Variants in SLC13A3 observed in about 807,000 individuals in gnomAD.
The protein encoded by SLC13A3 is solute carrier family 13 member 3.
SLC13A3 carries 40 observed loss-of-function variants against 59.0 expected under a neutral mutation model. The ratio of observed to expected loss-of-function variants is 0.68; its 90% confidence interval spans 0.53 to 0.88. SLC13A3 has a LOEUF of 0.88. Ranked by LOEUF, SLC13A3 falls within the 40% of genes least tolerant of loss-of-function variation. SLC13A3 has a pLI of 0.00. For synonymous variants in SLC13A3, 317 were observed against 330.3 expected, an observed-to-expected ratio of 0.96 and a Z score of 0.44; for missense variants, 699 against 783.2, an observed-to-expected ratio of 0.89 and a Z score of 1.28.
chr20:46,668,448 C>A lies in SLC13A3; in HGVS notation c.-31+1595G>T, dbSNP rs566705150. On this transcript the variant is annotated intron_variant, in intron 1 of 12. Transcript: ENST00000290317. ...TCCCAAGCCAAAGCCTAATCCAGAG[C>A]AAGACCCTAACTCTCATTAATTCTG... Among the ~76,000 whole-genome samples, 38 of 152,328 alleles carry A rather than the reference C, an allele frequency of 2.5e-4. 2 individuals carry two copies. In the South Asian group the frequency reaches 7.1e-3, roughly 28 times the overall value.
chr20:46,661,948 C>T (rs928038347), intron 1 of SLC13A3, among the ~76,000 whole-genome samples: 3 of 152,188 alleles, frequency 2.0e-5, no homozygotes, highest in Non-Finnish European at 2.9e-5. Context: ...TAATATCCCG[C>T]ACTTGATAAA....
intron 1 of SLC13A3, 24 bp from the exon 2 acceptor site, chr20:46,613,749 G>A (rs781243808): frequency 1.9e-6 from 3 of 1,572,458 alleles, no homozygotes; most frequent in Non-Finnish European, 2.6e-6. Flanking sequence ...TGCATGCTCA[G>A]AGGGTCAGCG....
In SLC13A3 at chr20:46,573,625, T is replaced by G. The variant is rs1355270276; in HGVS notation, c.1332+1948A>C. Among the ~76,000 whole-genome samples the G allele has an allele frequency of 2.0e-5, 3 of 152,238 alleles. No individual in the cohort carries two copies. The East Asian group carries it at 5.8e-4, about 29-fold the overall frequency. On this transcript the variant is annotated intron_variant, in intron 10 of 12. Coordinates refer to ENST00000279027, the MANE Select transcript of SLC13A3 (RefSeq NM_022829.6). ...TACATGCAGTTTTTAGCACTTCTTA[T>G]CGGCTATATGTATTGGGCAGTTATT...
At chr20:46,669,156 T>TG (rs1321639866) in intron 1 of SLC13A3, among the ~76,000 whole-genome samples, 3 of 152,214 alleles carry the variant, frequency 2.0e-5, no homozygotes, top group Non-Finnish European at 4.4e-5. Context: ...TTTTTCTTGT[T>TG]GGAGTCATCA....
chr20:46,617,730 C>T (rs764924911), intron 1 of SLC13A3, among the ~76,000 whole-genome samples: 1 of 152,164 alleles, frequency 6.6e-6, no homozygotes, highest in Non-Finnish European at 1.5e-5. Flanking sequence ...CCACTGTGGG[C>T]CTCCAGGCAG....
chr20:46,677,805 C>G (rs927151618), intron 1 of SLC13A3, among the ~76,000 whole-genome samples: 1 of 152,084 alleles, frequency 6.6e-6, no homozygotes, highest in Non-Finnish European at 1.5e-5. Context: ...AGCCAAAGAG[C>G]AATAGGGAGC....
chr20:46,629,827 A>G (rs1383907865), intron 1 of SLC13A3, among the ~76,000 whole-genome samples: 1 of 152,164 alleles, frequency 6.6e-6, no homozygotes, highest in Non-Finnish European at 1.5e-5. Flanking sequence ...AATACATTTC[A>G]CCGAAAAATA....
At chr20:46,596,463 C>T (rs1054562053) in intron 4 of SLC13A3, 121 bp from the exon 5 acceptor site, 3 of 803,242 alleles carry the variant, frequency 3.7e-6, no homozygotes, top group Non-Finnish European at 6.1e-6. Context: ...ATCAAAAACC[C>T]GTAACAAGGT....
At chr20:46,600,140 C>T (rs1237585506) in intron 3 of SLC13A3, 103 bp from the exon 4 acceptor site, 7 of 596,090 alleles carry the variant, frequency 1.2e-5, no homozygotes, top group South Asian at 7.4e-5. Context: ...TGCCAAGGAT[C>T]CTATACTACT....
At position 46,680,162 on chromosome 20, in the gene SLC13A3, G is replaced by A. The variant is rs147561193; in HGVS notation, c.-31+4234C>T. Among the ~76,000 whole-genome samples the A allele has an allele frequency of 2.7e-4, 41 of 152,290 alleles. No individual in the cohort carries two copies. In the East Asian group the frequency reaches 7.7e-3, roughly 29 times the overall value. The stretch of plus-strand genomic sequence containing the variant: ...CAGCAGCCTCAGCATCACCTGGGAA[G>A]TTGTTAGCAATGCAGATTCTCAGGC... On this transcript the variant is annotated intron_variant, in intron 1 of 6. Transcript: ENST00000372121.
intron 12 of SLC13A3, among the ~76,000 whole-genome samples, chr20:46,561,331 C>T (rs1162919013): frequency 2.0e-5 from 3 of 152,170 alleles, no homozygotes; most frequent in Non-Finnish European, 2.9e-5. Context: ...TCGTCAGGAC[C>T]TCCTGAAGCT....
intron 6 of SLC13A3, among the ~76,000 whole-genome samples, chr20:46,591,065 G>A (rs1247385850): frequency 6.6e-6 from 1 of 151,824 alleles, no homozygotes; most frequent in Non-Finnish European, 1.5e-5. Context: ...AGCTACTCTG[G>A]AGGCTGAGGC....
chr20:46,608,732 T>C (rs2062461720), intron 3 of SLC13A3: 10 of 938,146 alleles, frequency 1.1e-5, no homozygotes, highest in Non-Finnish European at 1.5e-5. Flanking sequence ...AGATACGTAT[T>C]TAATTTAATT....
At chr20:46,597,185 T>A (rs1282600547) in intron 4 of SLC13A3, among the ~76,000 whole-genome samples, 5 of 152,218 alleles carry the variant, frequency 3.3e-5, no homozygotes, top group Non-Finnish European at 7.3e-5. Context: ...CATATTATTT[T>A]CCTTTTTTAT....
intron 1 of SLC13A3, among the ~76,000 whole-genome samples, chr20:46,667,673 G>A (rs909813943): frequency 3.9e-5 from 6 of 152,166 alleles, no homozygotes; most frequent in Non-Finnish European, 7.3e-5. Flanking sequence ...CCACTTGCTC[G>A]TTGCTGGGCA....
In SLC13A3 at chr20:46,579,713, T is replaced by C. The variant is rs73622674; in HGVS notation, c.1219+3859A>G. Reference sequence around the variant, plus strand: ...CTTAACACACATGTTTTAGTGCTACTGTTGTTGGCCCACATAGTATTTGTT... The same window carrying C: ...CTTAACACACATGTTTTAGTGCTACCGTTGTTGGCCCACATAGTATTTGTT... On this transcript the variant is annotated intron_variant, in intron 9 of 12. Coordinates refer to ENST00000279027, the MANE Select transcript of SLC13A3 (RefSeq NM_022829.6). Among the ~76,000 whole-genome samples the C allele has an allele frequency of 2.0e-3, 300 of 152,350 alleles. 6 individuals carry two copies. In the East Asian group the frequency reaches 0.048, roughly 25 times the overall value.
At chr20:46,569,455 C>T (rs2062010897) in intron 10 of SLC13A3, among the ~76,000 whole-genome samples, 1 of 152,178 alleles carries the variant, frequency 6.6e-6, no homozygotes, top group Non-Finnish European at 1.5e-5. Context: ...TGCTTCCCAG[C>T]TTAATCTTTT....
At chr20:46,664,164 A>G (rs1226038045) in intron 1 of SLC13A3, among the ~76,000 whole-genome samples, 7 of 151,982 alleles carry the variant, frequency 4.6e-5, no homozygotes, top group African/African-American at 1.5e-4. Context: ...GGGCATCAGG[A>G]TTTTTTTTAA....
At chr20:46,681,908 TG>T (rs1291419783) in intron 1 of SLC13A3, 3 of 152,200 alleles carry the variant, frequency 2.0e-5, no homozygotes, top group Admixed American at 1.3e-4. Flanking sequence ...AGTCCACACG[TG>T]GATTAATCAA....
Sources: allele counts gnomAD v4.1 joint callset (sites outside exome capture counted in the v4.1 genomes callset), GRCh38; gene constraint gnomAD v4.1.1; transcripts MANE v1.5; gene names NCBI Gene and HGNC (gene_info 2026-07-23, HGNC 2026-07-21).